The following FBXO32 variants were observed in gnomAD, a reference collection of about 807,000 sequenced individuals.
FBXO32 encodes F-box only protein 32.
A neutral mutation model predicts 48.3 loss-of-function variants in FBXO32; 15 were observed. The observed-to-expected ratio is 0.31, with a 90% CI of 0.21 to 0.48. FBXO32 has a LOEUF of 0.48. Among genes scored for constraint, FBXO32 ranks in the 20% least tolerant of loss-of-function variants. The pLI, the probability that FBXO32 is intolerant of heterozygous loss-of-function variation, is 0.99. For missense variants in FBXO32, 309 were observed against 432.7 expected, an observed-to-expected ratio of 0.71 and a Z score of 2.54; for synonymous variants, 154 against 165.9, an observed-to-expected ratio of 0.93 and a Z score of 0.55.
intron 8 of FBXO32, 56 bp from the exon 9 acceptor site, chr8:123,503,518 A>G (rs1816543120): frequency 1.4e-6 from 2 of 1,424,286 alleles, no homozygotes; most frequent in Non-Finnish European, 2.0e-6. Context: ...TTTGGCTTTT[A>G]GCACCATAAG....
rs577577871 is a variant in FBXO32 at position 123,540,194 on chromosome 8, C to G, written c.116+705G>C. 3.3e-5 allele frequency among the ~76,000 whole-genome samples: 5 copies of G among 152,170 alleles called. No individual in the cohort carries two copies. The highest frequency in any genetic ancestry group is 1.2e-4 in the African/African-American group (5 of 41,440). Reference sequence around the variant, plus strand: ...AAAGCAGACCGACCGAGAGGGCCACCGAGGAAACAGGTGCAAGAGCCCTGT... The same window carrying G: ...AAAGCAGACCGACCGAGAGGGCCACGGAGGAAACAGGTGCAAGAGCCCTGT... On this transcript the variant is annotated intron_variant, in intron 1 of 8. Transcript: ENST00000517956. The surrounding 1 kb of genome is among the most constrained non-coding windows in gnomAD (Gnocchi z 6.4).
chr8:123,510,140 G>A (rs903799132), intron 6 of FBXO32, among the ~76,000 whole-genome samples: 1 of 152,306 alleles, frequency 6.6e-6, no homozygotes, highest in South Asian at 2.1e-4. Context: ...CACAGAGCCA[G>A]CCCTTAATAA....
intron 4 of FBXO32, among the ~76,000 whole-genome samples, chr8:123,521,021 C>T (rs1469972660): frequency 6.6e-6 from 1 of 152,226 alleles, no homozygotes; most frequent in Non-Finnish European, 1.5e-5. Flanking sequence ...ACGTGGCCTG[C>T]CCCGGGCTCA....
chr8:123,499,764 T>C lies in FBXO32; in HGVS notation c.*3609A>G, dbSNP rs549404388. The C allele has an allele frequency of 3.3e-5, 5 of 152,308 alleles. No homozygotes were observed. The highest frequency in any genetic ancestry group is 2.6e-4 in the Admixed American group (4 of 15,308). The allele number at this position is 152,308 out of a possible 1,614,324, so 9.4% of individuals were successfully genotyped here. On this transcript the variant is annotated 3_prime_UTR_variant, in exon 9 of 9. Coordinates refer to ENST00000517956, the MANE Select transcript of FBXO32 (RefSeq NM_058229.4). ...ATTCCAAGCTCTTTCTCTTCTCCCA[T>C]ATAAAAACAACAGAAACAGGAGGCT... is the stretch of plus-strand genomic sequence containing the variant.
intron 4 of FBXO32, among the ~76,000 whole-genome samples, chr8:123,529,355 G>A (rs765441989): frequency 2.6e-5 from 4 of 152,160 alleles, no homozygotes; most frequent in Non-Finnish European, 5.9e-5. Flanking sequence ...ACTGAAAAGC[G>A]TTTTAGGGGG....
intron 4 of FBXO32, among the ~76,000 whole-genome samples, chr8:123,531,136 C>T (rs375416226): frequency 2.6e-5 from 4 of 151,978 alleles, no homozygotes; most frequent in South Asian, 2.1e-4. Flanking sequence ...CCCGCCACCA[C>T]GCCTGGCTAA....
intron 6 of FBXO32, among the ~76,000 whole-genome samples, chr8:123,509,993 G>GGGT (rs1816704261): frequency 6.6e-6 from 1 of 152,162 alleles, no homozygotes; most frequent in Non-Finnish European, 1.5e-5. Context: ...CATTGTTGCT[G>GGGT]GGTGGGGCAG....
chr8:123,506,259 G>T lies in FBXO32; in HGVS notation c.834+133C>A. 1.0e-6 allele frequency: 1 copy of T among 993,684 alleles called. No homozygotes were observed. The highest frequency in any genetic ancestry group is 1.5e-6 in the Non-Finnish European group (1 of 669,050). 61.6% of individuals were successfully genotyped at this position (993,684 alleles called of 1,614,324 possible). A position where few individuals can be genotyped will look rare whatever the true frequency, so the allele number is the denominator to read the frequency against. ...ACAAAATCACAAAACTCCTTCAACT[G>T]TCATTTTTCAGTCAAACCAGGGAAC... On this transcript the variant is annotated intron_variant, in intron 7 of 8. Coordinates refer to ENST00000517956, the MANE Select transcript of FBXO32 (RefSeq NM_058229.4). This position sits in a 1 kb window ranked among gnomAD's most constrained non-coding sequence, Gnocchi z 4.0.
At chr8:123,533,895 C>T (rs1375871573) in intron 2 of FBXO32, among the ~76,000 whole-genome samples, 1 of 151,818 alleles carries the variant, frequency 6.6e-6, no homozygotes, top group Admixed American at 6.6e-5. Flanking sequence ...GAGTTTGAGA[C>T]CAGCCTGGGC....
intron 4 of FBXO32, among the ~76,000 whole-genome samples, chr8:123,516,916 C>T (rs566766009): frequency 1.1e-4 from 16 of 152,124 alleles, no homozygotes; most frequent in Admixed American, 3.3e-4. Flanking sequence ...GTGACCACAC[C>T]GAATGCTGTG....
chr8:123,505,538 C>T (rs551305161), intron 7 of FBXO32, among the ~76,000 whole-genome samples: 1 of 152,088 alleles, frequency 6.6e-6, no homozygotes, highest in Non-Finnish European at 1.5e-5. Flanking sequence ...GAGTTCAAGA[C>T]CAGCCTGGCC....
chr8:123,520,967 C>A (rs1281157149), intron 4 of FBXO32, among the ~76,000 whole-genome samples: 1 of 152,234 alleles, frequency 6.6e-6, no homozygotes, highest in Non-Finnish European at 1.5e-5. Flanking sequence ...TCTGCCACAT[C>A]TTTACATGCT....
At chr8:123,535,648 G>A (rs1817294932) in intron 1 of FBXO32, among the ~76,000 whole-genome samples, 1 of 152,154 alleles carries the variant, frequency 6.6e-6, no homozygotes, top group South Asian at 2.1e-4. Flanking sequence ...AATCATTTGA[G>A]GGGTAATGAA....
intron 1 of FBXO32, among the ~76,000 whole-genome samples, chr8:123,535,926 GA>G (rs1220112026): frequency 2.0e-5 from 3 of 149,684 alleles, no homozygotes; most frequent in African/African-American, 7.4e-5. Context: ...ATCTTTTTCA[GA>G]TATACATCTG....
In FBXO32 at chr8:123,533,146, A is replaced by G. The variant is rs760222361; in HGVS notation, c.279+45T>C. 6.2e-6 allele frequency: 9 copies of G among 1,457,774 alleles called. 1 individual carries two copies. In the South Asian group the frequency reaches 9.2e-5, roughly 15 times the overall value. The allele number at this position is 1,457,774 out of a possible 1,614,324, so 90.3% of individuals were successfully genotyped here. ...CATATCCCTCCCTGCGCTATCAGGAAGGGATAAGGTTCAGTATAACTTAGT... is the reference window on the plus strand; with the variant it reads ...CATATCCCTCCCTGCGCTATCAGGAGGGGATAAGGTTCAGTATAACTTAGT... On this transcript the variant is annotated intron_variant, in intron 3 of 8. Transcript: ENST00000517956.
chr8:123,532,359 T>G (rs1432221245), intron 3 of FBXO32, among the ~76,000 whole-genome samples: 1 of 152,258 alleles, frequency 6.6e-6, no homozygotes, highest in Non-Finnish European at 1.5e-5. Flanking sequence ...GGTTGGTGAC[T>G]GTAACGTACT....
intron 5 of FBXO32, 27 bp downstream of exon 5, chr8:123,514,213 G>C: frequency 6.3e-7 from 1 of 1,575,882 alleles, no homozygotes; most frequent in African/African-American, 1.4e-5. Context: ...CCTATAAAAA[G>C]GGGCGAGAGA....
At chr8:123,516,101 C>T (rs1816833859) in intron 4 of FBXO32, among the ~76,000 whole-genome samples, 1 of 152,146 alleles carries the variant, frequency 6.6e-6, no homozygotes, top group South Asian at 2.1e-4. Context: ...ATGAGCAAAG[C>T]GAGGCTCAAG....
At chr8:123,518,488 C>T (rs1442957614) in intron 4 of FBXO32, among the ~76,000 whole-genome samples, 1 of 152,166 alleles carries the variant, frequency 6.6e-6, no homozygotes, top group South Asian at 2.1e-4. Context: ...TCCTTTCTGT[C>T]ATTTTACTAT....
Sources: gnomAD v4.1 joint callset for allele counts (sites outside exome capture counted in the v4.1 genomes callset) on GRCh38, gnomAD v4.1.1 for gene constraint, Gnocchi (gnomAD v3.1) non-coding constraint, MANE v1.5 for transcripts, NCBI Gene and HGNC (gene_info 2026-07-23, HGNC 2026-07-21) for gene names.